ESRRG: variants seen among roughly 807,000 people sequenced by gnomAD.
The protein encoded by ESRRG is estrogen related receptor gamma.
ESRRG carries 13 observed loss-of-function variants against 44.0 expected under a neutral mutation model. The ratio of observed to expected loss-of-function variants is 0.30; its 90% CI spans 0.19 to 0.47. The LOEUF (loss-of-function observed/expected upper bound fraction) is 0.47. ESRRG is among the 20% of genes least tolerant of loss of function. The pLI, the probability that ESRRG is intolerant of heterozygous loss-of-function variation, is 1.00. For missense variants in ESRRG, 395 were observed against 580.6 expected, an observed-to-expected ratio of 0.68 and a Z score of 3.29; for synonymous variants, 215 against 214.6, an observed-to-expected ratio of 1.00 and a Z score of -0.02.
chr1:216,601,115 G>C (rs2059168414), intron 3 of ESRRG, among the ~76,000 whole-genome samples: 1 of 152,164 alleles, frequency 6.6e-6, no homozygotes, highest in Admixed American at 6.5e-5. Flanking sequence ...AGCAAGGCCG[G>C]CTTGGAACGC....
intron 2 of ESRRG, among the ~76,000 whole-genome samples, chr1:216,833,217 T>C (rs1042017034): frequency 4.2e-5 from 6 of 142,134 alleles, no homozygotes; most frequent in Admixed American, 3.4e-4. Flanking sequence ...TTGCATATTT[T>C]CTAAAAAAAA....
chr1:216,905,841 C>T (rs1019756232), intron 2 of ESRRG, among the ~76,000 whole-genome samples: 1 of 152,206 alleles, frequency 6.6e-6, no homozygotes. Flanking sequence ...ACCTCCGCCT[C>T]CCAGGTTCAA....
chr1:216,935,243 G>A (rs2063942435), intron 2 of ESRRG, among the ~76,000 whole-genome samples: 1 of 152,052 alleles, frequency 6.6e-6, no homozygotes, highest in East Asian at 1.9e-4. Context: ...GATCCCACAG[G>A]TTAGGGGCTC....
At chr1:216,967,131 T>G (rs2070575241) in intron 1 of ESRRG, among the ~76,000 whole-genome samples, 1 of 152,096 alleles carries the variant, frequency 6.6e-6, no homozygotes, top group Non-Finnish European at 1.5e-5. Context: ...CAGGGACTTC[T>G]TAAGTATCGC....
chr1:217,049,059 C>T (rs1382452157), intron 1 of ESRRG, among the ~76,000 whole-genome samples: 3 of 152,144 alleles, frequency 2.0e-5, no homozygotes, highest in Non-Finnish European at 4.4e-5. Context: ...CACTCCAGGG[C>T]CCTGGTCATC....
At chr1:217,105,748 T>C (rs970978030) in intron 1 of ESRRG, among the ~76,000 whole-genome samples, 5 of 152,166 alleles carry the variant, frequency 3.3e-5, no homozygotes, top group Admixed American at 6.6e-5. Context: ...ACAATCAGCC[T>C]AGCACCTGCC....
intron 3 of ESRRG, among the ~76,000 whole-genome samples, chr1:216,594,747 C>G (rs951034): frequency 0.43 from 65,255 of 152,086 alleles, 14,807 homozygotes; most frequent in African/African-American, 0.59. Context: ...AGAAAGACAG[C>G]ATCACTAAAA....
chr1:216,784,765 G>A (rs1286931207), intron 2 of ESRRG, among the ~76,000 whole-genome samples: 1 of 151,828 alleles, frequency 6.6e-6, no homozygotes, highest in African/African-American at 2.4e-5. Flanking sequence ...AAGCTTACCA[G>A]TTGGTTAGTC....
At chr1:216,717,256 A>G (rs2085097473) in intron 1 of ESRRG, among the ~76,000 whole-genome samples, 1 of 151,908 alleles carries the variant, frequency 6.6e-6, no homozygotes, top group Admixed American at 6.6e-5. Flanking sequence ...ACTGAGAAAT[A>G]TTGTCCAAAT....
At chr1:216,949,895 C>A (rs1490826854) in intron 1 of ESRRG, among the ~76,000 whole-genome samples, 1 of 152,020 alleles carries the variant, frequency 6.6e-6, no homozygotes, top group Non-Finnish European at 1.5e-5. Flanking sequence ...TCACTGCAAC[C>A]TCCACATCCC....
chr1:216,866,313 T>C (rs1229889165), intron 2 of ESRRG, among the ~76,000 whole-genome samples: 1 of 152,174 alleles, frequency 6.6e-6, no homozygotes. Context: ...CATATGTACA[T>C]CCCCTTTATA....
chr1:216,730,305 T>TAAAA (rs11445965), intron 2 of ESRRG, among the ~76,000 whole-genome samples: 4 of 121,456 alleles, frequency 3.3e-5, no homozygotes, highest in Admixed American at 8.7e-5. Context: ...CTTAGAAAGG[T>TAAAA]AAAAAAAAAA....
intron 2 of ESRRG, among the ~76,000 whole-genome samples, chr1:216,779,465 AATAT>A (rs1481446317): frequency 3.0e-5 from 1 of 33,794 alleles, no homozygotes; most frequent in East Asian, 8.0e-4. Flanking sequence ...TATAAATATA[AATAT>A]ATATTTATAA....
intron 1 of ESRRG, among the ~76,000 whole-genome samples, chr1:217,005,847 G>A (rs775060520): frequency 2.6e-5 from 4 of 151,870 alleles, no homozygotes; most frequent in Admixed American, 6.6e-5. Flanking sequence ...AAGTGCTTTC[G>A]CTTACTTTTA....
intron 1 of ESRRG, among the ~76,000 whole-genome samples, chr1:217,043,005 C>T (rs1558079418): frequency 6.6e-6 from 1 of 152,134 alleles, no homozygotes; most frequent in Non-Finnish European, 1.5e-5. Flanking sequence ...CCTTTATAAC[C>T]TCAAACATGT....
chr1:217,005,735 T>A (rs906676534), intron 1 of ESRRG, among the ~76,000 whole-genome samples: 1 of 151,782 alleles, frequency 6.6e-6, no homozygotes, highest in Admixed American at 6.6e-5. Context: ...AGGAAAAAAA[T>A]TTTTAATAGT....
chr1:216,893,367 G>T (rs1435196925), intron 2 of ESRRG, among the ~76,000 whole-genome samples: 3 of 152,120 alleles, frequency 2.0e-5, no homozygotes, highest in South Asian at 2.1e-4. Flanking sequence ...TTCTATATCA[G>T]ATAAGACTGA....
chr1:217,061,148 G>A (rs2088382151), intron 1 of ESRRG, among the ~76,000 whole-genome samples: 1 of 151,928 alleles, frequency 6.6e-6, no homozygotes, highest in South Asian at 2.1e-4. Context: ...TGTGTAAAAT[G>A]TTCCTTGTTC....
chr1:216,803,160 G>T (rs1024809079), intron 2 of ESRRG, among the ~76,000 whole-genome samples: 2 of 152,082 alleles, frequency 1.3e-5, no homozygotes, highest in African/African-American at 4.8e-5. Context: ...ACGTGGGGTG[G>T]ATGTGGAGGG....
Sources: allele counts gnomAD v4.1 joint callset (sites outside exome capture counted in the v4.1 genomes callset), GRCh38; gene constraint gnomAD v4.1.1; transcripts MANE v1.5; gene names NCBI Gene and HGNC (gene_info 2026-07-23, HGNC 2026-07-21).